Variants in TCF12 observed in about 807,000 individuals in gnomAD.
The protein encoded by TCF12 is DNA-binding protein HTF4.
TCF12 carries 45 observed loss-of-function variants against 86.0 expected under a neutral mutation model. The observed-to-expected ratio is 0.52, with a 90% CI of 0.41 to 0.67. The LOEUF (loss-of-function observed/expected upper bound fraction) is 0.67. TCF12 is among the 30% of genes least tolerant of loss of function. The pLI, the probability that TCF12 is intolerant of heterozygous loss-of-function variation, is 0.00. For missense variants in TCF12, 881 were observed against 859.9 expected (o/e 1.02, Z -0.31); for synonymous variants, 330 against 299.6 (o/e 1.10, Z -1.05).
Position 57,174,729 on chromosome 15 carries a change from A to C in TCF12, c.390+8263A>C, listed in dbSNP as rs918312620. Among the ~76,000 whole-genome samples, 5 of 152,228 alleles carry C rather than the reference A, an allele frequency of 3.3e-5. No individual in the cohort carries two copies. The South Asian group carries it at 1.0e-3, about 32-fold the overall frequency. On this transcript the variant is annotated intron_variant, in intron 6 of 20. Coordinates refer to ENST00000333725, the MANE Select transcript of TCF12 (RefSeq NM_207037.2). Reference sequence around the variant, plus strand: ...AAAATTAATTGTATTTCTGTACACTATCAGCAAAAATTAGAAAATAAAATT... The same window carrying C: ...AAAATTAATTGTATTTCTGTACACTCTCAGCAAAAATTAGAAAATAAAATT...
chr15:56,918,369 C>T (rs1388587554), upstream of TCF12: 1 of 389,962 alleles, frequency 2.6e-6, no homozygotes, highest in African/African-American at 2.1e-5. Flanking sequence ...ACCTGCCACC[C>T]CGCTCCCAGG....
chr15:57,150,880 T>TCCCG (rs2053694258), intron 5 of TCF12, among the ~76,000 whole-genome samples: 1 of 32,250 alleles, frequency 3.1e-5, no homozygotes, highest in Non-Finnish European at 5.1e-5. Context: ...TGTCCCTTCC[T>TCCCG]TCCTTCCTTC....
intron 5 of TCF12, among the ~76,000 whole-genome samples, chr15:57,109,478 A>G (rs72731924): frequency 0.18 from 27,869 of 152,128 alleles, 3,044 homozygotes; most frequent in Non-Finnish European, 0.24. Context: ...GAATTTTGAA[A>G]TTCATTGTAT....
intron 3 of TCF12, among the ~76,000 whole-genome samples, chr15:57,059,655 C>T (rs951652293): frequency 6.7e-6 from 1 of 148,292 alleles, no homozygotes; most frequent in Non-Finnish European, 1.5e-5. Flanking sequence ...GCCTAAGTCT[C>T]ACCAATTCTT....
intron 6 of TCF12, among the ~76,000 whole-genome samples, chr15:57,167,792 A>C (rs115879843): frequency 2.1e-4 from 32 of 152,076 alleles, no homozygotes; most frequent in Middle Eastern, 3.4e-3. Context: ...GTCTTACTCT[A>C]TTTTCATCCA....
chr15:57,162,282 G>T (rs1331755121), intron 5 of TCF12, among the ~76,000 whole-genome samples: 2 of 151,732 alleles, frequency 1.3e-5, no homozygotes, highest in African/African-American at 2.4e-5. Context: ...AGTAGCCAGA[G>T]ATTTTTGTTG....
intron 3 of TCF12, among the ~76,000 whole-genome samples, chr15:56,989,036 T>C (rs2063323473): frequency 1.3e-5 from 2 of 152,242 alleles, no homozygotes. Flanking sequence ...ATATAAAAAA[T>C]AAAGATTTTA....
intron 5 of TCF12, among the ~76,000 whole-genome samples, chr15:57,131,905 A>G (rs1469120998): frequency 6.6e-6 from 1 of 152,208 alleles, no homozygotes; most frequent in Non-Finnish European, 1.5e-5. Flanking sequence ...TAAGATTTGG[A>G]AAAGAAGTTA....
At chr15:57,277,280 A>C (rs1454313185) in intron 19 of TCF12, among the ~76,000 whole-genome samples, 4 of 152,066 alleles carry the variant, frequency 2.6e-5, no homozygotes, top group African/African-American at 9.7e-5. Context: ...AGCTGTGATC[A>C]TGCTACTACA....
At chr15:56,931,419 C>G (rs188216025) in intron 3 of TCF12, among the ~76,000 whole-genome samples, 1 of 151,996 alleles carries the variant, frequency 6.6e-6, no homozygotes, top group Non-Finnish European at 1.5e-5. Context: ...CATTTGGTCC[C>G]CATTTTGTAT....
rs1158110609 is a variant in TCF12, at chr15:57,247,678, T to TGTTA, written c.1115-3670_1115-3667dup. Reference sequence around the variant, plus strand: ...TACCACCAACAAAAATTTTCCTCACTGTTAGATGGGCACCAGACTTTACAG... The same window carrying TGTTA: ...TACCACCAACAAAAATTTTCCTCACTGTTAGTTAGATGGGCACCAGACTTTACAG... On this transcript the variant is annotated intron_variant, in intron 13 of 20. Coordinates refer to ENST00000333725, the MANE Select transcript of TCF12 (RefSeq NM_207037.2). The TGTTA allele has an allele frequency of 4.0e-6, 3 of 753,176 alleles. No individual in the cohort carries two copies. In the African/African-American group the frequency reaches 5.1e-5, roughly 13 times the overall value. 46.7% of individuals were successfully genotyped at this position (753,176 alleles called of 1,614,324 possible).
intron 3 of TCF12, among the ~76,000 whole-genome samples, chr15:56,952,752 A>G (rs773345330): frequency 1.7e-4 from 26 of 152,308 alleles, no homozygotes; most frequent in Non-Finnish European, 2.4e-4. Flanking sequence ...TAATTCTGGT[A>G]CTTTCTGTAG....
intron 3 of TCF12, 40 bp downstream of exon 3, chr15:56,921,138 G>A: frequency 6.7e-7 from 1 of 1,499,470 alleles, no homozygotes; most frequent in South Asian, 1.3e-5. Context: ...TATTTTGGTG[G>A]TGTGATACAT....
intron 5 of TCF12, among the ~76,000 whole-genome samples, chr15:57,107,600 C>G (rs1198552429): frequency 6.6e-6 from 1 of 152,006 alleles, no homozygotes; most frequent in African/African-American, 2.4e-5. Context: ...AATATAGGTT[C>G]ATTGGCCAGG....
rs145326529 is a variant in TCF12, at chr15:57,045,605, G to A, written c.149-18145G>A. Among the ~76,000 whole-genome samples, 542 of 152,180 alleles carry A rather than the reference G, an allele frequency of 3.6e-3. 6 individuals carry two copies. The highest frequency in any genetic ancestry group is 0.012 in the African/African-American group (516 of 41,492). On this transcript the variant is annotated intron_variant, in intron 3 of 20. Coordinates refer to ENST00000333725, the MANE Select transcript of TCF12 (RefSeq NM_207037.2). ...CTGTAACCCAGGCTGCAGTACAATG[G>A]CATAATCATGGCTCACTGCAGCTTC...
intron 3 of TCF12, among the ~76,000 whole-genome samples, chr15:57,004,341 G>A (rs1203875483): frequency 1.3e-5 from 2 of 151,746 alleles, no homozygotes; most frequent in Admixed American, 1.3e-4. Context: ...GAGTTCAAGT[G>A]ATTCTCCTGT....
intron 8 of TCF12, among the ~76,000 whole-genome samples, chr15:57,207,204 T>C (rs1304025498): frequency 6.6e-6 from 1 of 152,206 alleles, no homozygotes; most frequent in African/African-American, 2.4e-5. Context: ...CCAATTCTTT[T>C]GAATCATGTG....
Position 57,143,294 on chromosome 15 carries a change from G to C in TCF12, c.326-23108G>C, listed in dbSNP as rs567868493. On this transcript the variant is annotated intron_variant, in intron 5 of 20. Coordinates refer to ENST00000333725, the MANE Select transcript of TCF12 (RefSeq NM_207037.2). ...AGTAATGTATAAATGTTAATTAGAT[G>C]ATTCTGATGGTTCTGTCATGCTTAT... Among the ~76,000 whole-genome samples the C allele has an allele frequency of 2.1e-4, 32 of 152,138 alleles. No homozygotes were observed. In the East Asian group the frequency reaches 6.2e-3, roughly 29 times the overall value.
At chr15:56,984,291 T>TGTGTGA (rs1343986578) in intron 3 of TCF12, among the ~76,000 whole-genome samples, 1 of 146,460 alleles carries the variant, frequency 6.8e-6, no homozygotes. Context: ...TGTGTGTGTG[T>TGTGTGA]GTGAAGGGTG....
Sources: allele counts gnomAD v4.1 joint callset (sites outside exome capture counted in the v4.1 genomes callset), GRCh38; gene constraint gnomAD v4.1.1; transcripts MANE v1.5; gene names NCBI Gene and HGNC (gene_info 2026-07-23, HGNC 2026-07-21).